FAM241A: variants seen among roughly 807,000 people sequenced by gnomAD.
The protein encoded by FAM241A is uncharacterized protein FAM241A.
A neutral mutation model predicts 12.2 loss-of-function variants in FAM241A; 7 were observed. The observed-to-expected ratio is 0.58, with a 90% confidence interval of 0.33 to 1.08. The LOEUF (loss-of-function observed/expected upper bound fraction) is 1.08, where lower values mean the gene tolerates loss of function less well. Among genes scored for constraint, FAM241A ranks in the 50% least tolerant of loss-of-function variants. The pLI is 0.04. For synonymous variants in FAM241A, 74 were observed against 68.2 expected, an observed-to-expected ratio of 1.08 and a Z score of -0.42; for missense variants, 161 against 169.7, an observed-to-expected ratio of 0.95 and a Z score of 0.29.
chr4:112,162,142 T>G (rs911407108), intron 1 of FAM241A, among the ~76,000 whole-genome samples: 3 of 152,188 alleles, frequency 2.0e-5, no homozygotes, highest in Non-Finnish European at 4.4e-5. Context: ...ATAAATTAGG[T>G]ATTGATGGGA....
Position 112,186,880 on chromosome 4 carries a change from T to C in FAM241A, c.341T>C (p.Leu114Pro). 1.9e-6 allele frequency: 3 copies of C among 1,614,156 alleles called. No individual in the cohort carries two copies. The highest frequency in any genetic ancestry group is 2.5e-6 in the Non-Finnish European group (3 of 1,179,978). The change falls in exon 2 of 2, where the codon CTG becomes CCG. Residue 114 changes from leucine (L) to proline (P), a missense_variant. Coordinates refer to ENST00000309733, the MANE Select transcript of FAM241A (RefSeq NM_152400.3). ...FFWVMLWFLG[L>P]QALGLVAVLC... Reference sequence around the variant, plus strand: ...TGGGTTATGCTGTGGTTCCTTGGCCTGCAAGCCCTTGGACTAGTTGCTGTT... The same window carrying C: ...TGGGTTATGCTGTGGTTCCTTGGCCCGCAAGCCCTTGGACTAGTTGCTGTT...
intron 1 of FAM241A, among the ~76,000 whole-genome samples, chr4:112,154,557 C>T (rs868044536): frequency 2.6e-5 from 4 of 152,262 alleles, no homozygotes; most frequent in Non-Finnish European, 4.4e-5. Flanking sequence ...CATGAGCCAC[C>T]GTGCCCAGCC....
At chr4:112,154,647 AT>A (rs1723315397) in intron 1 of FAM241A, among the ~76,000 whole-genome samples, 1 of 152,188 alleles carries the variant, frequency 6.6e-6, no homozygotes, top group African/African-American at 2.4e-5. Flanking sequence ...GTACTAAGTA[AT>A]GTCACCAGAG....
chr4:112,155,853 T>C (rs1723343187), intron 1 of FAM241A, among the ~76,000 whole-genome samples: 1 of 152,210 alleles, frequency 6.6e-6, no homozygotes, highest in Admixed American at 6.5e-5. Flanking sequence ...GAGGTATAAG[T>C]TAGTTCAGTA....
At position 112,180,851 on chromosome 4, in the gene FAM241A, A is replaced by G. The variant is rs565461743; in HGVS notation, c.154-5842A>G. Among the ~76,000 whole-genome samples the G allele has an allele frequency of 6.6e-5, 10 of 152,280 alleles. 1 individual carries two copies. The South Asian group carries it at 2.1e-3, about 32-fold the overall frequency. On this transcript the variant is annotated intron_variant, in intron 1 of 1. Coordinates refer to ENST00000309733, the MANE Select transcript of FAM241A (RefSeq NM_152400.3). Reference sequence around the variant, plus strand: ...GTCCTGCCAACATGACTTCTAATAGACAGAACTGTAAGATAATACATTTGT... The same window carrying G: ...GTCCTGCCAACATGACTTCTAATAGGCAGAACTGTAAGATAATACATTTGT...
chr4:112,176,911 A>G (rs1723833623), intron 1 of FAM241A, among the ~76,000 whole-genome samples: 2 of 152,196 alleles, frequency 1.3e-5, no homozygotes, highest in African/African-American at 2.4e-5. Context: ...ACGATAGAAC[A>G]GGAAAAAAAA....
Position 112,145,646 on chromosome 4 carries a change from G to A in FAM241A, c.66G>A (p.Ala22=), listed in dbSNP as rs1380193353. 2.5e-6 allele frequency: 3 copies of A among 1,220,354 alleles called. No individual in the cohort carries two copies. The highest frequency in any genetic ancestry group is 3.2e-4 in the Middle Eastern group (1 of 3,122). 75.6% of individuals were successfully genotyped at this position (1,220,354 alleles called of 1,614,324 possible). A position where few individuals can be genotyped will look rare whatever the true frequency, so the allele number is the denominator to read the frequency against. ...GGGAACGCGACGAGGACGGGGACGC[G>A]CTGGCGGAGCGGGAGGCGGCAGGGA... is the stretch of plus-strand genomic sequence containing the variant. The part of the protein sequence containing the change: ...DGGERDEDGD[A]LAEREAAGTG... Residue 22 remains alanine, a synonymous_variant, in exon 1 of 2, where the codon GCG becomes GCA. Transcript: ENST00000309733.
rs1045561324 is a variant in FAM241A at position 112,189,134 on chromosome 4, C to G, written c.*2196C>G. The G allele has an allele frequency of 6.6e-6, 1 of 151,934 alleles. No homozygotes were observed. The highest frequency in any genetic ancestry group is 2.4e-5 in the African/African-American group (1 of 41,358). 9.4% of individuals were successfully genotyped at this position (151,934 alleles called of 1,614,324 possible). ...GGCGCGGTGGCTCACGCCTGTAATCCTAGCACTTTGGGAGGCTGAGGCGGG... is the reference window on the plus strand; with the variant it reads ...GGCGCGGTGGCTCACGCCTGTAATCGTAGCACTTTGGGAGGCTGAGGCGGG... On this transcript the variant is annotated 3_prime_UTR_variant, in exon 2 of 2. Transcript: ENST00000309733.
chr4:112,179,232 T>C (rs1723879406), intron 1 of FAM241A, among the ~76,000 whole-genome samples: 1 of 152,152 alleles, frequency 6.6e-6, no homozygotes, highest in Non-Finnish European at 1.5e-5. Flanking sequence ...ATTGCCTAGG[T>C]TTTCTTCTAG....
intron 1 of FAM241A, among the ~76,000 whole-genome samples, chr4:112,152,832 C>T (rs568565496): frequency 3.9e-5 from 6 of 152,170 alleles, no homozygotes; most frequent in Admixed American, 1.3e-4. Context: ...TTACTTAATC[C>T]GTCAGAGATT....
At chr4:112,174,080 C>G (rs898063850) in intron 1 of FAM241A, among the ~76,000 whole-genome samples, 9 of 152,192 alleles carry the variant, frequency 5.9e-5, no homozygotes, top group African/African-American at 2.2e-4. Flanking sequence ...CTCTCTGCCC[C>G]TCCTCCTCCT....
Sources: allele counts gnomAD v4.1 joint callset (sites outside exome capture counted in the v4.1 genomes callset), GRCh38; gene constraint gnomAD v4.1.1; transcripts MANE v1.5; gene names NCBI Gene and HGNC (gene_info 2026-07-23, HGNC 2026-07-21).